The following FOCAD variants were observed in gnomAD, a reference collection of about 807,000 sequenced individuals.
The protein encoded by FOCAD is KIAA1797.
In FOCAD, 198 loss-of-function variants were observed where a neutral mutation model predicts 225.6. The ratio of observed to expected loss-of-function variants is 0.88; its 90% CI spans 0.78 to 0.99. The LOEUF is 0.99. Ranked by LOEUF, FOCAD falls within the 50% of genes least tolerant of loss-of-function variation. FOCAD has a pLI of 0.00. For missense variants in FOCAD, 2,713 were observed against 2,123.6 expected (o/e 1.28, Z -5.46); for synonymous variants, 897 against 755.0 (o/e 1.19, Z -3.08).
At chr9:20,770,265 T>C in intron 8 of FOCAD, 27 bp downstream of exon 8, 1 of 1,568,470 alleles carries the variant, frequency 6.4e-7, no homozygotes, top group Non-Finnish European at 8.8e-7. Context: ...ATTATACTGT[T>C]CATGCATTGC....
intron 11 of FOCAD, among the ~76,000 whole-genome samples, chr9:20,814,323 T>G (rs1823413467): frequency 6.6e-6 from 1 of 152,090 alleles, no homozygotes; most frequent in Non-Finnish European, 1.5e-5. Context: ...AGTGACACTT[T>G]GATTCATCAC....
intron 6 of FOCAD, among the ~76,000 whole-genome samples, chr9:20,758,508 C>T: frequency 7.5e-6 from 1 of 134,086 alleles, no homozygotes; most frequent in African/African-American, 2.7e-5. Context: ...AATGCTATCC[C>T]TCCCCCCTCC....
chr9:20,841,708 T>A (rs1826543573), intron 15 of FOCAD, among the ~76,000 whole-genome samples: 1 of 151,888 alleles, frequency 6.6e-6, no homozygotes, highest in Non-Finnish European at 1.5e-5. Context: ...TAAAACAACT[T>A]TTCATTTTCA....
At chr9:20,894,663 T>G (rs1831917491) in intron 21 of FOCAD, among the ~76,000 whole-genome samples, 1 of 152,136 alleles carries the variant, frequency 6.6e-6, no homozygotes, top group Non-Finnish European at 1.5e-5. Flanking sequence ...TGGCCCATTT[T>G]AAAATCTGGT....
intron 28 of FOCAD, among the ~76,000 whole-genome samples, chr9:20,944,020 G>T (rs1291090616): frequency 6.6e-6 from 1 of 152,174 alleles, no homozygotes; most frequent in African/African-American, 2.4e-5. Flanking sequence ...TTTCTCTTCT[G>T]ACCCAGTGGT....
chr9:20,842,490 C>A (rs1826640012), intron 15 of FOCAD, among the ~76,000 whole-genome samples: 1 of 151,840 alleles, frequency 6.6e-6, no homozygotes, highest in Non-Finnish European at 1.5e-5. Flanking sequence ...ATCATTATAT[C>A]CTGACCTTAT....
intron 35 of FOCAD, among the ~76,000 whole-genome samples, chr9:20,955,312 A>G (rs1201728348): frequency 6.6e-6 from 1 of 152,140 alleles, no homozygotes; most frequent in Non-Finnish European, 1.5e-5. Context: ...TTAGCCAATC[A>G]AATTTGAGAT....
rs564628559 is a variant in FOCAD at position 20,843,938 on chromosome 9, T to G, written c.1921-18640T>G. On this transcript the variant is annotated intron_variant, in intron 15 of 43. Transcript: ENST00000338382. ...AGAGTCAGCAGTTACAGAGCAATAT[T>G]AAAAGAGGGTTTGATTCTAAGTTAT... 3.9e-5 allele frequency among the ~76,000 whole-genome samples: 6 copies of G among 152,172 alleles called. No individual in the cohort carries two copies. In the East Asian group the frequency reaches 9.7e-4, roughly 25 times the overall value.
chr9:20,875,326 A>C (rs1830142227), intron 19 of FOCAD: 2 of 154,724 alleles, frequency 1.3e-5, no homozygotes, highest in Non-Finnish European at 2.9e-5. Context: ...TTTGATGTAA[A>C]GCTTATAGGG....
chr9:20,692,330 T>C (rs370768682), intron 1 of FOCAD, among the ~76,000 whole-genome samples: 23 of 152,308 alleles, frequency 1.5e-4, no homozygotes, highest in African/African-American at 5.3e-4. Context: ...ATATATATAC[T>C]GTTACTTTGG....
At chr9:20,686,372 G>C (rs973043002) in intron 1 of FOCAD, among the ~76,000 whole-genome samples, 2 of 152,166 alleles carry the variant, frequency 1.3e-5, no homozygotes, top group Non-Finnish European at 2.9e-5. Context: ...GGCCAGGCTG[G>C]TCTCGAAATC....
intron 11 of FOCAD, among the ~76,000 whole-genome samples, chr9:20,819,467 C>T (rs1055570899): frequency 6.6e-5 from 10 of 152,118 alleles, no homozygotes; most frequent in East Asian, 5.8e-4. Flanking sequence ...TCCTGCCTTG[C>T]GTTCTCAAAG....
chr9:20,718,466 G>A (rs190176706), intron 3 of FOCAD, among the ~76,000 whole-genome samples: 155 of 152,296 alleles, frequency 1.0e-3, no homozygotes, highest in Admixed American at 2.4e-3. Context: ...GGTGTTCTCA[G>A]GTGTCCTCTA....
At chr9:20,656,792 C>T (rs536447690), upstream of FOCAD, among the ~76,000 whole-genome samples, 572 of 152,158 alleles carry the variant, frequency 3.8e-3, 6 homozygotes, top group African/African-American at 0.012. Context: ...AAGTTAATAG[C>T]GTTATGTGTG....
intron 28 of FOCAD, among the ~76,000 whole-genome samples, chr9:20,940,338 C>T (rs949453017): frequency 1.4e-5 from 2 of 147,910 alleles, no homozygotes; most frequent in African/African-American, 5.0e-5. Context: ...GGCTGGAGTG[C>T]AGTGATACCA....
chr9:20,880,135 T>C (rs1420655104), intron 19 of FOCAD, among the ~76,000 whole-genome samples: 1 of 152,152 alleles, frequency 6.6e-6, no homozygotes, highest in Non-Finnish European at 1.5e-5. Flanking sequence ...GATGTATTGA[T>C]CACTGTTATG....
intron 1 of FOCAD, among the ~76,000 whole-genome samples, chr9:20,707,792 G>A (rs1824512948): frequency 1.3e-5 from 2 of 152,130 alleles, no homozygotes; most frequent in Admixed American, 1.3e-4. Context: ...TGGTTAAAAG[G>A]GTTCCAATTA....
intron 15 of FOCAD, among the ~76,000 whole-genome samples, chr9:20,825,137 C>G (rs1208510011): frequency 7.5e-6 from 1 of 133,832 alleles, no homozygotes; most frequent in Non-Finnish European, 1.6e-5. Flanking sequence ...TAAGGCTTTT[C>G]AAGCTTTGCG....
At chr9:20,749,539 T>A (rs893991241) in intron 5 of FOCAD, among the ~76,000 whole-genome samples, 3 of 152,296 alleles carry the variant, frequency 2.0e-5, no homozygotes, top group Non-Finnish European at 4.4e-5. Context: ...AAAAATCTCT[T>A]TTTAGCTTCT....
Sources: gnomAD v4.1 joint callset for allele counts (sites outside exome capture counted in the v4.1 genomes callset) on GRCh38, gnomAD v4.1.1 for gene constraint, MANE v1.5 for transcripts, NCBI Gene and HGNC (gene_info 2026-07-23, HGNC 2026-07-21) for gene names.